The following ZNF469 variants were observed in gnomAD, a reference collection of about 807,000 sequenced individuals.
ZNF469 encodes the protein zinc finger protein 469.
ZNF469 carries 1 observed loss-of-function variant against 1.0 expected under a neutral mutation model. That is an observed-to-expected ratio of 1.00 (90% confidence interval 0.35 to 4.73). The LOEUF (loss-of-function observed/expected upper bound fraction) is 4.73, where lower values mean the gene tolerates loss of function less well. Among genes scored for constraint, ZNF469 ranks in the 30% most tolerant of loss-of-function variants. The probability of loss-of-function intolerance (pLI) is 0.16; values close to 1 mark genes in which losing one functional copy is unlikely to be tolerated. For synonymous variants in ZNF469, 2,703 were observed against 2,363.4 expected (o/e 1.14, Z -4.17); for missense variants, 6,100 against 5,356.3 (o/e 1.14, Z -4.33).
At chr16:88,135,748 G>GTTTTTTTCT in the ZNF469 span, among the ~76,000 whole-genome samples, 25 of 66,904 alleles carry the variant, frequency 3.7e-4, 6 homozygotes, top group Non-Finnish European at 7.3e-4. Context: ...AGCTGGCCAT[G>GTTTTTTTCT]TTTTTTTTTT....
chr16:88,154,368 G>A, the ZNF469 span, among the ~76,000 whole-genome samples: 3 of 152,318 alleles, frequency 2.0e-5, no homozygotes, highest in East Asian at 5.8e-4. Flanking sequence ...GTTTCGCCAT[G>A]TTGGCCAGGC....
chr16:88,173,594 T>C, the ZNF469 span, among the ~76,000 whole-genome samples: 1 of 152,132 alleles, frequency 6.6e-6, no homozygotes, highest in East Asian at 1.9e-4. Flanking sequence ...ATGCAAAAGA[T>C]AGATAAACGC....
the ZNF469 span, among the ~76,000 whole-genome samples, chr16:88,141,595 G>A: frequency 0.86 from 49,053 of 56,998 alleles, 21,244 homozygotes; most frequent in African/African-American, 0.88. Flanking sequence ...GGAGCCTGCT[G>A]TGTGCCTCTC....
the ZNF469 span, among the ~76,000 whole-genome samples, chr16:88,331,636 C>T: frequency 8.6e-5 from 13 of 151,734 alleles, no homozygotes; most frequent in South Asian, 6.3e-4. Context: ...TTGTTACCAC[C>T]GCCATCATCA....
chr16:88,373,326 G>A, the ZNF469 span, among the ~76,000 whole-genome samples: 474 of 152,350 alleles, frequency 3.1e-3, 4 homozygotes, highest in African/African-American at 0.011. Flanking sequence ...GTGACAGGAT[G>A]TGTTAGGTGG....
chr16:88,377,242 G>A, the ZNF469 span, among the ~76,000 whole-genome samples: 5 of 152,242 alleles, frequency 3.3e-5, no homozygotes, highest in African/African-American at 7.2e-5. Flanking sequence ...TGCAGGGCAG[G>A]GGGACTTCCC....
the ZNF469 span, among the ~76,000 whole-genome samples, chr16:88,164,846 T>C: frequency 2.8e-4 from 43 of 152,156 alleles, no homozygotes; most frequent in Non-Finnish European, 2.4e-4. Flanking sequence ...CATGAGTCCA[T>C]TGGAGGCAGG....
the ZNF469 span, among the ~76,000 whole-genome samples, chr16:88,241,893 C>T: frequency 1.3e-5 from 2 of 152,296 alleles, no homozygotes; most frequent in African/African-American, 4.8e-5. This position sits in a 1 kb window ranked among gnomAD's most constrained non-coding sequence, Gnocchi z 4.8. Flanking sequence ...GGCTCAAGGG[C>T]TCCTCCCGGA....
At chr16:88,375,674 CG>C in the ZNF469 span, among the ~76,000 whole-genome samples, 1 of 152,198 alleles carries the variant, frequency 6.6e-6, no homozygotes, top group African/African-American at 2.4e-5. Context: ...TCCTGGGTGC[CG>C]GGCGCCATCG....
chr16:88,339,650 CA>C, the ZNF469 span, among the ~76,000 whole-genome samples: 13 of 22,884 alleles, frequency 5.7e-4, no homozygotes, highest in African/African-American at 2.2e-3. Flanking sequence ...GGGGACGTGG[CA>C]GGGGGATGGG....
chr16:88,241,763 T>A, the ZNF469 span, among the ~76,000 whole-genome samples: 2 of 152,178 alleles, frequency 1.3e-5, no homozygotes, highest in African/African-American at 4.8e-5. The surrounding 1 kb of genome is among the most constrained non-coding windows in gnomAD (Gnocchi z 4.8). Context: ...TGGTATGAGA[T>A]GACAAGGAGC....
the ZNF469 span, among the ~76,000 whole-genome samples, chr16:88,286,090 T>C: frequency 6.6e-6 from 1 of 152,212 alleles, no homozygotes; most frequent in African/African-American, 2.4e-5. Flanking sequence ...TCGTGCCCCA[T>C]TGCTGGGGAT....
Position 88,431,435 on chromosome 16 carries a change from G to C in ZNF469, c.3965G>C (p.Arg1322Pro), listed in dbSNP as rs1157325585. The C allele has an allele frequency of 1.0e-5, 16 of 1,550,334 alleles. No individual in the cohort carries two copies. Among genetic ancestry groups the C allele is most frequent in the Non-Finnish European group, 1.4e-5 (16 of 1,146,988 alleles). The change falls in exon 3 of 3, where the codon CGC becomes CCC. Residue 1322 changes from arginine to proline, a missense_variant. Arg to Pro is a moderately radical substitution (Grantham distance 103). Transcript: ENST00000565624. ...CACAACAGCAAGGACCCCCCTGCCCGCCAGCCTGGAGAATTTCTGGCACCC... is the reference window on the plus strand; with the variant it reads ...CACAACAGCAAGGACCCCCCTGCCCCCCAGCCTGGAGAATTTCTGGCACCC... ...VSHNSKDPPA[R>P]QPGEFLAPVA...
At chr16:88,397,116 C>T (rs1386530046) in intron 1 of ZNF469, among the ~76,000 whole-genome samples, 7 of 152,316 alleles carry the variant, frequency 4.6e-5, no homozygotes, top group East Asian at 3.9e-4. Flanking sequence ...CAGGCAAAGA[C>T]GCTCCTGCAG....
the ZNF469 span, among the ~76,000 whole-genome samples, chr16:88,303,721 C>A: frequency 1.3e-5 from 2 of 152,228 alleles, no homozygotes; most frequent in Non-Finnish European, 2.9e-5. Context: ...GCAGGCCCAG[C>A]ATCCTCTTCA....
the ZNF469 span, among the ~76,000 whole-genome samples, chr16:88,196,028 G>C: frequency 6.6e-6 from 1 of 152,224 alleles, no homozygotes. Flanking sequence ...GGCCACATCA[G>C]TAATGTTCTG....
chr16:88,246,370 T>C, the ZNF469 span, among the ~76,000 whole-genome samples: 2 of 152,144 alleles, frequency 1.3e-5, no homozygotes, highest in Non-Finnish European at 2.9e-5. Flanking sequence ...ATAAGCGTCA[T>C]AGTGGGGGAG....
chr16:88,124,216 G>C, the ZNF469 span, among the ~76,000 whole-genome samples: 1 of 152,172 alleles, frequency 6.6e-6, no homozygotes, highest in East Asian at 1.9e-4. Context: ...CTCCCAGTCT[G>C]TGACTTGTTT....
chr16:88,182,885 A>T, the ZNF469 span, among the ~76,000 whole-genome samples: 2 of 152,212 alleles, frequency 1.3e-5, no homozygotes, highest in African/African-American at 4.8e-5. Context: ...GAAAAAACTG[A>T]CAAACTGAAC....
Sources: gnomAD v4.1 joint callset for allele counts (sites outside exome capture counted in the v4.1 genomes callset) on GRCh38, gnomAD v4.1.1 for gene constraint, Gnocchi (gnomAD v3.1) non-coding constraint, MANE v1.5 for transcripts, NCBI Gene and HGNC (gene_info 2026-07-23, HGNC 2026-07-21) for gene names.